SUGCT: variants seen among roughly 807,000 people sequenced by gnomAD.
The protein encoded by SUGCT is succinyl-CoA:glutarate CoA-transferase.
A neutral mutation model predicts 55.0 loss-of-function variants in SUGCT; 41 were observed. That is an observed-to-expected ratio of 0.74 (90% CI 0.58 to 0.97). The LOEUF (loss-of-function observed/expected upper bound fraction) is 0.97. Ranked by LOEUF, SUGCT falls within the 50% of genes least tolerant of loss-of-function variation. The pLI, the probability that SUGCT is intolerant of heterozygous loss-of-function variation, is 0.00. For synonymous variants in SUGCT, 187 were observed against 200.4 expected, an observed-to-expected ratio of 0.93 and a Z score of 0.56; for missense variants, 568 against 547.8, an observed-to-expected ratio of 1.04 and a Z score of -0.37.
chr7:40,752,286 A>T (rs183150973), intron 13 of SUGCT, among the ~76,000 whole-genome samples: 1 of 152,190 alleles, frequency 6.6e-6, no homozygotes, highest in Admixed American at 6.5e-5. Context: ...CCACAGTGCT[A>T]TGTAAGATGT....
intron 12 of SUGCT, among the ~76,000 whole-genome samples, chr7:40,537,566 G>A (rs1288941676): frequency 6.6e-6 from 1 of 152,188 alleles, no homozygotes; most frequent in African/African-American, 2.4e-5. Context: ...AAAGTCACAT[G>A]TGCTTGTTTG....
At chr7:40,846,666 A>G (rs1793572152) in intron 13 of SUGCT, among the ~76,000 whole-genome samples, 1 of 152,250 alleles carries the variant, frequency 6.6e-6, no homozygotes, top group Non-Finnish European at 1.5e-5. Flanking sequence ...ATAAGTATTT[A>G]TAATACAGTA....
At chr7:40,728,778 A>C (rs567985827) in intron 12 of SUGCT, among the ~76,000 whole-genome samples, 10 of 152,228 alleles carry the variant, frequency 6.6e-5, no homozygotes, top group Non-Finnish European at 1.3e-4. Context: ...GTGCTCTTCT[A>C]TAGGTCCAGT....
At chr7:40,397,328 A>G (rs560147947) in intron 9 of SUGCT, among the ~76,000 whole-genome samples, 2 of 152,324 alleles carry the variant, frequency 1.3e-5, no homozygotes, top group South Asian at 4.1e-4. Flanking sequence ...AAGCCTCTTC[A>G]TTCACATATC....
At chr7:40,176,872 C>T (rs1258823895) in intron 1 of SUGCT, among the ~76,000 whole-genome samples, 2 of 145,718 alleles carry the variant, frequency 1.4e-5, no homozygotes, top group Admixed American at 7.3e-5. Context: ...ACTTGGGAGG[C>T]TGAGGCAGGA....
chr7:40,717,920 TC>T (rs11334398), intron 12 of SUGCT, among the ~76,000 whole-genome samples: 26,814 of 152,072 alleles, frequency 0.18, 2,651 homozygotes, highest in Non-Finnish European at 0.23. Flanking sequence ...AGAAGTATAT[TC>T]TCCTCTTCTT....
chr7:40,829,737 T>A (rs1351176427), intron 13 of SUGCT, among the ~76,000 whole-genome samples: 1 of 152,062 alleles, frequency 6.6e-6, no homozygotes, highest in Admixed American at 6.6e-5. Context: ...CCATTCCTAC[T>A]CCACAGATGA....
At chr7:40,802,333 A>C (rs1462527029) in intron 13 of SUGCT, among the ~76,000 whole-genome samples, 2 of 150,586 alleles carry the variant, frequency 1.3e-5, no homozygotes, top group African/African-American at 2.4e-5. Flanking sequence ...CGCACACACC[A>C]CACACACACA....
chr7:40,256,830 A>C (rs912339075), intron 7 of SUGCT, among the ~76,000 whole-genome samples: 1 of 151,610 alleles, frequency 6.6e-6, no homozygotes, highest in Non-Finnish European at 1.5e-5. Flanking sequence ...TGCAACCTCC[A>C]CCTCCCAGGT....
At chr7:40,549,483 G>A (rs997649983) in intron 12 of SUGCT, among the ~76,000 whole-genome samples, 8 of 152,132 alleles carry the variant, frequency 5.3e-5, no homozygotes, top group African/African-American at 1.9e-4. Flanking sequence ...AAAAGACAGT[G>A]TACCTCTGCC....
At chr7:40,558,296 G>A (rs1795662317) in intron 12 of SUGCT, among the ~76,000 whole-genome samples, 1 of 152,018 alleles carries the variant, frequency 6.6e-6, no homozygotes, top group Non-Finnish European at 1.5e-5. Flanking sequence ...TTGACAGCAG[G>A]GACTCAGATA....
At chr7:40,440,348 C>T (rs1367423685) in intron 9 of SUGCT, among the ~76,000 whole-genome samples, 6 of 151,384 alleles carry the variant, frequency 4.0e-5, no homozygotes, top group African/African-American at 7.3e-5. Context: ...TTAGTAGAGA[C>T]GGGGTTTCGC....
At chr7:40,818,292 C>A (rs756333467) in intron 13 of SUGCT, among the ~76,000 whole-genome samples, 1 of 152,172 alleles carries the variant, frequency 6.6e-6, no homozygotes, top group African/African-American at 2.4e-5. Flanking sequence ...ATCTCTAGAC[C>A]AGCTCTTTCA....
intron 8 of SUGCT, among the ~76,000 whole-genome samples, chr7:40,290,886 C>T (rs939652867): frequency 1.2e-4 from 18 of 152,074 alleles, no homozygotes; most frequent in African/African-American, 4.3e-4. Flanking sequence ...ATTTACGCAG[C>T]CAAAAAACAC....
At chr7:40,474,874 G>A (rs749452749) in intron 11 of SUGCT, among the ~76,000 whole-genome samples, 3 of 152,072 alleles carry the variant, frequency 2.0e-5, no homozygotes, top group Non-Finnish European at 4.4e-5. Flanking sequence ...TAAAATTGTC[G>A]AGAGAATTAA....
At chr7:40,795,153 G>A (rs1056343599) in intron 13 of SUGCT, among the ~76,000 whole-genome samples, 3 of 152,022 alleles carry the variant, frequency 2.0e-5, no homozygotes, top group African/African-American at 4.8e-5. Flanking sequence ...GTGGGCTCAA[G>A]CATCTTTGAG....
At chr7:40,290,226 G>A (rs1430898967) in intron 8 of SUGCT, among the ~76,000 whole-genome samples, 1 of 152,154 alleles carries the variant, frequency 6.6e-6, no homozygotes, top group Admixed American at 6.5e-5. Context: ...GAACAAAGCT[G>A]GAGGCAGCAT....
chr7:40,414,879 C>T (rs1199571081), intron 9 of SUGCT, among the ~76,000 whole-genome samples: 1 of 151,930 alleles, frequency 6.6e-6, no homozygotes, highest in Non-Finnish European at 1.5e-5. Flanking sequence ...CCCGTCTCTA[C>T]TACAAATACA....
the SUGCT span, among the ~76,000 whole-genome samples, chr7:41,035,106 T>C: frequency 6.6e-6 from 1 of 152,194 alleles, no homozygotes. Context: ...CTGTAGTCAG[T>C]AGAGGGGCAA....
Sources: allele counts gnomAD v4.1 joint callset (sites outside exome capture counted in the v4.1 genomes callset), GRCh38; gene constraint gnomAD v4.1.1; transcripts MANE v1.5; gene names NCBI Gene and HGNC (gene_info 2026-07-23, HGNC 2026-07-21).